SLC44A5: variants seen among roughly 807,000 people sequenced by gnomAD.
The protein encoded by SLC44A5 is solute carrier family 44 member 5, also known as choline transporter-like protein 5.
SLC44A5 carries 57 observed loss-of-function variants against 101.8 expected under a neutral mutation model. The ratio of observed to expected loss-of-function variants is 0.56; its 90% CI spans 0.45 to 0.70. SLC44A5 has a LOEUF of 0.70. SLC44A5 is among the 30% of genes least tolerant of loss of function. The pLI, the probability that SLC44A5 is intolerant of heterozygous loss-of-function variation, is 0.00. For missense variants in SLC44A5, 737 were observed against 853.1 expected, an observed-to-expected ratio of 0.86 and a Z score of 1.70; for synonymous variants, 281 against 290.9, an observed-to-expected ratio of 0.97 and a Z score of 0.35.
At chr1:75,713,514 T>G in the SLC44A5 span, among the ~76,000 whole-genome samples, 1 of 152,180 alleles carries the variant, frequency 6.6e-6, no homozygotes, top group Non-Finnish European at 1.5e-5. Context: ...ACCACTAACC[T>G]GGAGAACTAA....
At chr1:75,370,565 G>A (rs1295697495) in intron 3 of SLC44A5, among the ~76,000 whole-genome samples, 1 of 152,182 alleles carries the variant, frequency 6.6e-6, no homozygotes, top group East Asian at 1.9e-4. Flanking sequence ...CTCAAAGGCT[G>A]TAGAGAGAAG....
At chr1:75,651,797 A>G in the SLC44A5 span, among the ~76,000 whole-genome samples, 1 of 152,012 alleles carries the variant, frequency 6.6e-6, no homozygotes, top group Non-Finnish European at 1.5e-5. Context: ...TCCTTGTTAC[A>G]GTAGATAGGC....
At chr1:75,208,901 A>G (rs1485426778) in intron 23 of SLC44A5, among the ~76,000 whole-genome samples, 1 of 152,180 alleles carries the variant, frequency 6.6e-6, no homozygotes, top group Non-Finnish European at 1.5e-5. Context: ...AATGGTTTGC[A>G]TTGTAAAAAT....
chr1:75,487,520 G>A lies in SLC44A5; in HGVS notation c.13+53915C>T, dbSNP rs1052676971. Among the ~76,000 whole-genome samples the A allele has an allele frequency of 3.3e-5, 5 of 152,146 alleles. No homozygotes were observed. In the East Asian group the frequency reaches 9.7e-4, roughly 29 times the overall value. ...ATCTAAGACCAGTTAATTGTTCGGGGTCTAAAGAAATAATCTGAATGGGCT... is the reference window on the plus strand; with the variant it reads ...ATCTAAGACCAGTTAATTGTTCGGGATCTAAAGAAATAATCTGAATGGGCT... On this transcript the variant is annotated intron_variant, in intron 2 of 23. Coordinates refer to ENST00000370859, the MANE Select transcript of SLC44A5 (RefSeq NM_001130058.2).
At chr1:75,213,017 A>C (rs1237426984) in intron 22 of SLC44A5, among the ~76,000 whole-genome samples, 1 of 152,162 alleles carries the variant, frequency 6.6e-6, no homozygotes, top group Non-Finnish European at 1.5e-5. Flanking sequence ...TCATGACCAA[A>C]AACTGCCTGA....
intron 1 of SLC44A5, among the ~76,000 whole-genome samples, chr1:75,610,828 T>C (rs1675615428): frequency 6.6e-6 from 1 of 151,982 alleles, no homozygotes; most frequent in South Asian, 2.1e-4. Flanking sequence ...AAAATACTAC[T>C]CTCTTTAAAT....
At chr1:75,651,144 G>A in the SLC44A5 span, among the ~76,000 whole-genome samples, 1 of 152,174 alleles carries the variant, frequency 6.6e-6, no homozygotes, top group Non-Finnish European at 1.5e-5. Flanking sequence ...CAAATGTCAA[G>A]AAGTCATTTA....
At chr1:75,287,150 G>C (rs1201564867) in intron 5 of SLC44A5, among the ~76,000 whole-genome samples, 1 of 151,364 alleles carries the variant, frequency 6.6e-6, no homozygotes, top group Non-Finnish European at 1.5e-5. Context: ...TTATTTTTCT[G>C]TCTTTGTTGG....
intron 2 of SLC44A5, among the ~76,000 whole-genome samples, chr1:75,479,108 C>T (rs1273321468): frequency 2.0e-5 from 3 of 152,144 alleles, no homozygotes; most frequent in South Asian, 2.1e-4. Context: ...CACTCAAAAC[C>T]GCTCAACTAC....
At chr1:75,410,601 G>T (rs1207154240) in intron 2 of SLC44A5, among the ~76,000 whole-genome samples, 2 of 152,066 alleles carry the variant, frequency 1.3e-5, no homozygotes, top group Non-Finnish European at 2.9e-5. Context: ...TTTATAATAT[G>T]CCATAATGGT....
At chr1:75,405,232 C>T (rs1662770807) in intron 2 of SLC44A5, among the ~76,000 whole-genome samples, 2 of 152,150 alleles carry the variant, frequency 1.3e-5, no homozygotes, top group Admixed American at 1.3e-4. Flanking sequence ...TACAAAGAGA[C>T]TTAGACCCCC....
At chr1:75,643,341 A>G in the SLC44A5 span, among the ~76,000 whole-genome samples, 4,833 of 152,264 alleles carry the variant, frequency 0.032, 260 homozygotes, top group African/African-American at 0.11. Flanking sequence ...TAAACTAATT[A>G]ATTTCATTAA....
intron 1 of SLC44A5, among the ~76,000 whole-genome samples, chr1:75,590,607 T>C (rs1383156809): frequency 6.6e-6 from 1 of 152,104 alleles, no homozygotes; most frequent in East Asian, 1.9e-4. Flanking sequence ...CTAAACAGCA[T>C]TCACACAAGC....
the SLC44A5 span, among the ~76,000 whole-genome samples, chr1:75,679,488 C>T: frequency 6.6e-6 from 1 of 151,888 alleles, no homozygotes; most frequent in Non-Finnish European, 1.5e-5. Context: ...ATTTTCAACC[C>T]AGAATTTCAT....
chr1:75,700,238 T>C, the SLC44A5 span, among the ~76,000 whole-genome samples: 24 of 152,254 alleles, frequency 1.6e-4, no homozygotes, highest in East Asian at 4.1e-3. Flanking sequence ...TATTCCAAAA[T>C]TGACCACATA....
chr1:75,581,507 G>A (rs1673697097), intron 1 of SLC44A5, among the ~76,000 whole-genome samples: 1 of 152,170 alleles, frequency 6.6e-6, no homozygotes, highest in Non-Finnish European at 1.5e-5. Flanking sequence ...CAGCAATGAA[G>A]AATGTAATTT....
chr1:75,623,514 T>C, the SLC44A5 span, among the ~76,000 whole-genome samples: 1 of 152,038 alleles, frequency 6.6e-6, no homozygotes, highest in Admixed American at 6.6e-5. Context: ...GTTACTTTTA[T>C]ATTGTGTATA....
At chr1:75,236,681 C>G (rs1264703487) in intron 11 of SLC44A5, among the ~76,000 whole-genome samples, 1 of 152,028 alleles carries the variant, frequency 6.6e-6, no homozygotes, top group Non-Finnish European at 1.5e-5. Flanking sequence ...ATTACAGATA[C>G]AGAAGTCCTG....
intron 3 of SLC44A5, among the ~76,000 whole-genome samples, chr1:75,363,467 T>C (rs983215993): frequency 6.6e-6 from 1 of 152,036 alleles, no homozygotes; most frequent in Non-Finnish European, 1.5e-5. Context: ...GGTTTTTAAT[T>C]TGTGGTTACC....
Sources: allele counts gnomAD v4.1 joint callset (sites outside exome capture counted in the v4.1 genomes callset), GRCh38; gene constraint gnomAD v4.1.1; transcripts MANE v1.5; gene names NCBI Gene and HGNC (gene_info 2026-07-23, HGNC 2026-07-21).